SCN11A: variants seen among roughly 807,000 people sequenced by gnomAD.
SCN11A encodes sodium voltage-gated channel alpha subunit 11, also known as sodium channel protein type 11 subunit alpha.
In SCN11A, 122 loss-of-function variants were observed where a neutral mutation model predicts 162.2. That is an observed-to-expected ratio of 0.75 (90% CI 0.65 to 0.87). The LOEUF (loss-of-function observed/expected upper bound fraction) is 0.87, where lower values mean the gene tolerates loss of function less well. Among genes scored for constraint, SCN11A ranks in the 40% least tolerant of loss-of-function variants. The pLI is 0.00. For missense variants in SCN11A, 2,015 were observed against 2,181.6 expected, an observed-to-expected ratio of 0.92 and a Z score of 1.52; for synonymous variants, 758 against 751.5, an observed-to-expected ratio of 1.01 and a Z score of -0.14.
At chr3:38,933,337 G>A (rs1575309974) in intron 7 of SCN11A, among the ~76,000 whole-genome samples, 2 of 152,208 alleles carry the variant, frequency 1.3e-5, no homozygotes, top group East Asian at 1.9e-4. Context: ...CCAAAGGAAC[G>A]CAGCTCCTCA....
In SCN11A at chr3:38,883,289, G is replaced by A. The variant is rs1332576882; in HGVS notation, c.3163C>T (p.His1055Tyr). The A allele has an allele frequency of 1.9e-6, 3 of 1,613,916 alleles. No homozygotes were observed. The highest frequency in any genetic ancestry group is 2.5e-6 in the Non-Finnish European group (3 of 1,179,826). Residue 1055 changes from histidine (H) to tyrosine (Y), a missense_variant, in exon 22 of 30, where the codon CAC becomes TAC. Coordinates refer to ENST00000302328, the MANE Select transcript of SCN11A (RefSeq NM_001349253.2). ...LRKTCYQIVK[H>Y]SWFESFIIFV... ...ATAATAAAGCTCTCAAACCAGCTGT[G>A]TTTCACTATTTGGTAGCAGGTTTTC...
intron 16 of SCN11A, among the ~76,000 whole-genome samples, chr3:38,902,319 G>C (rs537319341): frequency 1.5e-4 from 23 of 152,140 alleles, no homozygotes; most frequent in Non-Finnish European, 3.1e-4. Context: ...TTGTCAAGCA[G>C]CATGGAATCT....
intron 2 of SCN11A, among the ~76,000 whole-genome samples, chr3:38,998,961 G>A (rs2030729217): frequency 6.6e-6 from 1 of 151,812 alleles, no homozygotes; most frequent in South Asian, 2.1e-4. Context: ...AATGTTAAAT[G>A]ACGAGTTAAT....
chr3:38,863,339 T>G (rs776379461), intron 27 of SCN11A, 40 bp from the exon 28 acceptor site: 1 of 1,022,854 alleles, frequency 9.8e-7, no homozygotes, highest in Non-Finnish European at 1.5e-6. Context: ...TTTAACAGTT[T>G]TTTTTTTAAT....
intron 2 of SCN11A, among the ~76,000 whole-genome samples, chr3:39,019,183 T>C (rs1037590843): frequency 8.5e-5 from 13 of 152,170 alleles, no homozygotes; most frequent in African/African-American, 3.1e-4. Context: ...GCAGATAACA[T>C]TAATATTATA....
At chr3:38,941,420 A>G (rs1177448060) in intron 7 of SCN11A, among the ~76,000 whole-genome samples, 1 of 152,228 alleles carries the variant, frequency 6.6e-6, no homozygotes, top group African/African-American at 2.4e-5. Context: ...TGTTCAGGCT[A>G]AAAAGAAATA....
At chr3:38,850,346 C>T (rs1199709418) in intron 29 of SCN11A, 135 bp downstream of exon 29, 9 of 748,592 alleles carry the variant, frequency 1.2e-5, no homozygotes, top group African/African-American at 1.8e-5. Flanking sequence ...ATTAGTACCC[C>T]TGTCTATTCT....
At chr3:38,981,550 T>C (rs990660129) in intron 2 of SCN11A, among the ~76,000 whole-genome samples, 12 of 151,630 alleles carry the variant, frequency 7.9e-5, no homozygotes, top group Non-Finnish European at 1.6e-4. Context: ...TGTGTGTGTG[T>C]GTGTGTGTGT....
At chr3:39,008,572 T>C (rs2031039831) in intron 2 of SCN11A, among the ~76,000 whole-genome samples, 1 of 152,192 alleles carries the variant, frequency 6.6e-6, no homozygotes, top group African/African-American at 2.4e-5. Flanking sequence ...AAAGATTAAA[T>C]TATTAGAACA....
intron 19 of SCN11A, among the ~76,000 whole-genome samples, chr3:38,894,090 C>T (rs1418923042): frequency 1.3e-5 from 2 of 152,144 alleles, no homozygotes; most frequent in African/African-American, 4.8e-5. Flanking sequence ...TGACAGCCCT[C>T]ATCTCCCACC....
At chr3:38,861,842 G>T (rs2064968936) in intron 28 of SCN11A, among the ~76,000 whole-genome samples, 2 of 152,070 alleles carry the variant, frequency 1.3e-5, no homozygotes, top group Admixed American at 1.3e-4. Context: ...AAGAATTCAT[G>T]ACCAAGAACC....
At chr3:38,896,449 T>TA (rs1279126316) in intron 18 of SCN11A, among the ~76,000 whole-genome samples, 1 of 152,212 alleles carries the variant, frequency 6.6e-6, no homozygotes, top group Non-Finnish European at 1.5e-5. Context: ...CCAGAGGAAG[T>TA]AAAACGATCA....
intron 2 of SCN11A, among the ~76,000 whole-genome samples, chr3:38,987,299 T>A (rs148397119): frequency 0.021 from 2,372 of 111,316 alleles, 32 homozygotes; most frequent in Middle Eastern, 0.03. Flanking sequence ...TCTCTCTCTC[T>A]CTCTCACACA....
chr3:38,867,200 C>T, intron 27 of SCN11A, 121 bp downstream of exon 27: 1 of 902,954 alleles, frequency 1.1e-6, no homozygotes, highest in Non-Finnish European at 1.7e-6. Flanking sequence ...AGGCTCCCTC[C>T]TTGTTATTGT....
At chr3:39,007,956 C>G (rs568877022) in intron 2 of SCN11A, among the ~76,000 whole-genome samples, 1 of 152,270 alleles carries the variant, frequency 6.6e-6, no homozygotes, top group Admixed American at 6.5e-5. Flanking sequence ...AGCCCTTAAT[C>G]TACGGGGTCT....
Position 38,846,298 on chromosome 3 carries a change from G to C in SCN11A, c.*396C>G, listed in dbSNP as rs753329941. The stretch of plus-strand genomic sequence containing the variant: ...CCAGCTAATTTTTGTATTTTTAGTA[G>C]AGACGGAGTTTCATCATGTTGGCCA... On this transcript the variant is annotated 3_prime_UTR_variant, in exon 30 of 30. Transcript: ENST00000302328. 1.6e-4 allele frequency: 27 copies of C among 172,550 alleles called. No homozygotes were observed. The highest frequency in any genetic ancestry group is 2.4e-4 in the Non-Finnish European group (19 of 78,796). 10.7% of individuals were successfully genotyped at this position (172,550 alleles called of 1,614,324 possible).
Position 38,900,055 on chromosome 3 carries a change from T to A in SCN11A, c.1861A>T (p.Ile621Leu), listed in dbSNP as rs1394910470. The stretch of plus-strand genomic sequence containing the variant: ...ATGATTTTTAGGCACATTTCTGCTA[T>A]AAAAATGCTAGTGAAAACCTAGAGT... ...IGNLVFTSIFIAEMCLKIIAL... is the reference protein window; with the variant it reads ...IGNLVFTSIFLAEMCLKIIAL... The change falls in exon 17 of 30, where the codon ATA (isoleucine) becomes TTA (leucine). Residue 621 changes from isoleucine (I) to leucine (L), a missense_variant. By Grantham distance (5) the Ile-to-Leu change is conservative. Coordinates refer to ENST00000302328, the MANE Select transcript of SCN11A (RefSeq NM_001349253.2). 3.1e-6 allele frequency: 5 copies of A among 1,613,756 alleles called. No individual in the cohort carries two copies. In the Admixed American group the frequency reaches 6.7e-5, roughly 22 times the overall value.
intron 2 of SCN11A, among the ~76,000 whole-genome samples, chr3:38,982,505 C>A (rs181432754): frequency 6.6e-6 from 1 of 152,134 alleles, no homozygotes; most frequent in Non-Finnish European, 1.5e-5. Context: ...ACAGCCCTGC[C>A]GAGCTAATAA....
intron 2 of SCN11A, among the ~76,000 whole-genome samples, chr3:38,996,904 A>G (rs2030663015): frequency 6.6e-6 from 1 of 152,126 alleles, no homozygotes; most frequent in Non-Finnish European, 1.5e-5. Flanking sequence ...TGATCATGCC[A>G]CTGTACAGGA....
Sources: gnomAD v4.1 joint callset for allele counts (sites outside exome capture counted in the v4.1 genomes callset) on GRCh38, gnomAD v4.1.1 for gene constraint, MANE v1.5 for transcripts, NCBI Gene and HGNC (gene_info 2026-07-23, HGNC 2026-07-21) for gene names.